The following ABHD2 variants were observed in gnomAD, a reference collection of about 807,000 sequenced individuals.
ABHD2 encodes the protein monoacylglycerol lipase ABHD2.
ABHD2 carries 20 observed loss-of-function variants against 48.1 expected under a neutral mutation model. The observed-to-expected ratio is 0.42, with a 90% CI of 0.29 to 0.60. The LOEUF (loss-of-function observed/expected upper bound fraction) is 0.60. ABHD2 is among the 20% of genes least tolerant of loss of function. The pLI is 0.24. For missense variants in ABHD2, 405 were observed against 550.9 expected, an observed-to-expected ratio of 0.74 and a Z score of 2.65; for synonymous variants, 209 against 214.2, an observed-to-expected ratio of 0.98 and a Z score of 0.21.
intron 1 of ABHD2, among the ~76,000 whole-genome samples, chr15:89,105,711 C>A (rs893603337): frequency 6.6e-6 from 1 of 152,228 alleles, no homozygotes; most frequent in Admixed American, 6.5e-5. Context: ...TAACCCACTC[C>A]CGCCCTTTCA....
rs1443680649 is a variant in ABHD2 at position 89,120,606 on chromosome 15, C to G, written c.194+4085C>G. ...GGTTCAAGTGATTCTCCTACCTCAG[C>G]CTCCTGAGTAGCTGGGATTACAGGC... On this transcript the variant is annotated intron_variant, in intron 3 of 10. Coordinates refer to ENST00000352732, the MANE Select transcript of ABHD2 (RefSeq NM_152924.5). The surrounding 1 kb of genome is among the most constrained non-coding windows in gnomAD (Gnocchi z 4.2). 6.6e-6 allele frequency among the ~76,000 whole-genome samples: 1 copy of G among 152,144 alleles called. No individual in the cohort carries two copies. Among genetic ancestry groups the G allele is most frequent in the Non-Finnish European group, 1.5e-5 (1 of 68,026 alleles).
At chr15:89,054,044 A>AG in the ABHD2 span, among the ~76,000 whole-genome samples, 1 of 152,138 alleles carries the variant, frequency 6.6e-6, no homozygotes, top group African/African-American at 2.4e-5. Flanking sequence ...AAGGAAAGGC[A>AG]GGCACAGTGG....
At chr15:89,051,373 A>G in the ABHD2 span, among the ~76,000 whole-genome samples, 7 of 152,328 alleles carry the variant, frequency 4.6e-5, no homozygotes, top group Non-Finnish European at 1.5e-5. Flanking sequence ...CAAGAATCCT[A>G]AGATTTTGTA....
At chr15:89,133,724 G>A (rs1006682941) in intron 3 of ABHD2, among the ~76,000 whole-genome samples, 2 of 151,968 alleles carry the variant, frequency 1.3e-5, no homozygotes, top group Non-Finnish European at 2.9e-5. Context: ...ATTTGAGGGA[G>A]CTCTTTATGT....
intron 1 of ABHD2, among the ~76,000 whole-genome samples, chr15:89,089,345 T>C (rs906064983): frequency 8.5e-5 from 13 of 152,228 alleles, no homozygotes; most frequent in Admixed American, 5.2e-4. Flanking sequence ...AGAGTACTTC[T>C]GGGGGTCCAT....
chr15:89,065,992 A>C, the ABHD2 span, among the ~76,000 whole-genome samples: 4 of 152,202 alleles, frequency 2.6e-5, no homozygotes, highest in Non-Finnish European at 5.9e-5. Context: ...ACTCGGGTTC[A>C]ATCATGCATC....
intron 2 of ABHD2, among the ~76,000 whole-genome samples, chr15:89,115,878 C>A (rs2049951980): frequency 6.6e-6 from 1 of 152,182 alleles, no homozygotes; most frequent in Admixed American, 6.5e-5. Flanking sequence ...ATTTAACACA[C>A]ACCTGGGGCA....
the ABHD2 span, among the ~76,000 whole-genome samples, chr15:89,048,717 C>T: frequency 1.4e-4 from 22 of 152,200 alleles, no homozygotes; most frequent in East Asian, 2.3e-3. Flanking sequence ...GCATTCTTCA[C>T]GTAGTTCTCG....
chr15:89,068,105 C>T, the ABHD2 span, among the ~76,000 whole-genome samples: 3 of 152,108 alleles, frequency 2.0e-5, no homozygotes, highest in African/African-American at 7.2e-5. Context: ...CTCAGGGTCT[C>T]CCACAGAGCA....
intron 5 of ABHD2, among the ~76,000 whole-genome samples, chr15:89,165,401 C>G (rs960998525): frequency 6.6e-6 from 1 of 151,748 alleles, no homozygotes; most frequent in Admixed American, 6.6e-5. Context: ...ATTAGCTAAC[C>G]TGAGTAAAAA....
the ABHD2 span, among the ~76,000 whole-genome samples, chr15:89,055,195 C>A: frequency 6.6e-6 from 1 of 152,074 alleles, no homozygotes; most frequent in Non-Finnish European, 1.5e-5. Flanking sequence ...GAAACCCAGT[C>A]CAAAAAACTT....
chr15:89,061,326 G>A, the ABHD2 span, among the ~76,000 whole-genome samples: 3 of 152,144 alleles, frequency 2.0e-5, no homozygotes, highest in Admixed American at 6.5e-5. Flanking sequence ...GCTGAGGCAC[G>A]AGAATTGCTT....
chr15:89,047,709 A>G, the ABHD2 span, among the ~76,000 whole-genome samples: 1 of 150,950 alleles, frequency 6.6e-6, no homozygotes, highest in Non-Finnish European at 1.5e-5. Context: ...ATCAGAGCCT[A>G]GGATTGCAAC....
At chr15:89,062,193 G>T in the ABHD2 span, among the ~76,000 whole-genome samples, 1 of 152,174 alleles carries the variant, frequency 6.6e-6, no homozygotes, top group African/African-American at 2.4e-5. Context: ...CTAGGGTCCT[G>T]AGGCTATGCT....
At chr15:89,084,017 A>G (rs1025595517), upstream of ABHD2, among the ~76,000 whole-genome samples, 21 of 152,152 alleles carry the variant, frequency 1.4e-4, no homozygotes, top group African/African-American at 5.1e-4. This position sits in a 1 kb window ranked among gnomAD's most constrained non-coding sequence, Gnocchi z 4.4. Flanking sequence ...TCATGACTGC[A>G]GGAATACTTT....
intron 4 of ABHD2, among the ~76,000 whole-genome samples, chr15:89,152,362 A>C (rs551886326): frequency 6.0e-4 from 92 of 152,252 alleles, no homozygotes; most frequent in African/African-American, 2.0e-3. Flanking sequence ...TACAGGCGTG[A>C]GCCACCGCCC....
chr15:89,054,966 C>G, the ABHD2 span, among the ~76,000 whole-genome samples: 2 of 152,162 alleles, frequency 1.3e-5, no homozygotes, highest in African/African-American at 4.8e-5. Context: ...TGGCTCACGA[C>G]TGTAATCCTA....
the ABHD2 span, among the ~76,000 whole-genome samples, chr15:89,057,770 T>G: frequency 6.9e-6 from 1 of 145,604 alleles, no homozygotes; most frequent in Non-Finnish European, 1.5e-5. Flanking sequence ...TAAGAAGGAA[T>G]GAAAAAAAAA....
intron 5 of ABHD2, among the ~76,000 whole-genome samples, chr15:89,156,735 A>G (rs943007114): frequency 6.6e-6 from 1 of 151,534 alleles, no homozygotes; most frequent in African/African-American, 2.4e-5. Flanking sequence ...AAAAAAAAAA[A>G]TCCTGTTTTA....
Sources: allele counts gnomAD v4.1 joint callset (sites outside exome capture counted in the v4.1 genomes callset), GRCh38; gene constraint gnomAD v4.1.1; non-coding constraint Gnocchi (gnomAD v3.1); transcripts MANE v1.5; gene names NCBI Gene and HGNC (gene_info 2026-07-23, HGNC 2026-07-21).